TMEM231: variants seen among roughly 807,000 people sequenced by gnomAD.
TMEM231 encodes the protein transmembrane protein 231.
In TMEM231, 40 loss-of-function variants were observed where a neutral mutation model predicts 38.5. The ratio of observed to expected loss-of-function variants is 1.04; its 90% CI spans 0.81 to 1.35. TMEM231 has a LOEUF of 1.35. Ranked by LOEUF, TMEM231 falls within the 40% of genes most tolerant of loss-of-function variation. The pLI is 0.00. For synonymous variants in TMEM231, 199 were observed against 181.7 expected (o/e 1.10, Z -0.77); for missense variants, 420 against 416.9 (o/e 1.01, Z -0.07).
chr16:75,539,856 G>A lies in TMEM231; in HGVS notation c.*138C>T, dbSNP rs2242408. The A allele has an allele frequency of 0.07, 48,416 of 689,014 alleles. 2,085 individuals carry two copies. Among genetic ancestry groups the A allele is most frequent in the African/African-American group, 0.12 (6,761 of 55,318 alleles). 42.7% of individuals were successfully genotyped at this position (689,014 alleles called of 1,614,324 possible). On this transcript the variant is annotated 3_prime_UTR_variant, in exon 7 of 7. Coordinates refer to ENST00000258173, the MANE Select transcript of TMEM231 (RefSeq NM_001077418.3). ...ATACGGAACTGTGTAGAGCAAAACC[G>A]GAAAGAACCGTTGTCTCTGAGGGAA...
chr16:75,553,725 G>A (rs553516361), intron 2 of TMEM231, among the ~76,000 whole-genome samples: 11 of 150,884 alleles, frequency 7.3e-5, no homozygotes, highest in Non-Finnish European at 8.8e-5. Context: ...GTCTTGCTAT[G>A]TTGCCCACAC....
At chr16:75,550,385 T>C (rs952826014) in intron 2 of TMEM231, among the ~76,000 whole-genome samples, 2 of 152,188 alleles carry the variant, frequency 1.3e-5, no homozygotes, top group African/African-American at 4.8e-5. Flanking sequence ...ACTGGTTTCA[T>C]TTCTTTTTTT....
rs201412708 is a variant in TMEM231 at position 75,542,682 on chromosome 16, A to G, written c.584T>C (p.Ile195Thr). 334 of 1,613,834 alleles carry G rather than the reference A, an allele frequency of 2.1e-4. 1 individual carries two copies. The highest frequency in any genetic ancestry group is 2.3e-4 in the Non-Finnish European group (272 of 1,179,824). ...GGGGCTGGTCCCGTTGATCACGGAT[A>G]TCTGGGACACGGGAGGAGGATGTGG... ...SCGGLDARYN[I>T]SVINGTSPFA... is the part of the protein sequence containing the mutation. The change falls in exon 5 of 7, where the codon ATA becomes ACA. Residue 195 changes from isoleucine to threonine, a missense_variant and splice_region_variant. Transcript: ENST00000258173.
intron 2 of TMEM231, chr16:75,554,778 T>C (rs2080793936): frequency 1.3e-5 from 2 of 152,168 alleles, no homozygotes; most frequent in Non-Finnish European, 2.9e-5. Context: ...ATTTATAAAG[T>C]AATAGGAGAA....
intron 2 of TMEM231, among the ~76,000 whole-genome samples, chr16:75,554,362 C>T (rs1270078918): frequency 3.3e-5 from 5 of 151,794 alleles, no homozygotes; most frequent in African/African-American, 2.4e-5. Flanking sequence ...GTCAGGAGTT[C>T]GAGACCAGCC....
intron 2 of TMEM231, among the ~76,000 whole-genome samples, chr16:75,547,462 C>T (rs530672527): frequency 2.0e-5 from 3 of 152,242 alleles, no homozygotes; most frequent in South Asian, 2.1e-4. Context: ...TCATCAGCTT[C>T]GGGGAGGGAT....
At chr16:75,553,740 C>G (rs2080785393) in intron 2 of TMEM231, among the ~76,000 whole-genome samples, 1 of 151,854 alleles carries the variant, frequency 6.6e-6, no homozygotes, top group Admixed American at 6.6e-5. Flanking sequence ...CCACACTGGC[C>G]TTGAACTCCT....
chr16:75,547,706 G>T (rs2080710175), intron 2 of TMEM231, among the ~76,000 whole-genome samples: 2 of 152,114 alleles, frequency 1.3e-5, no homozygotes, highest in African/African-American at 4.8e-5. Flanking sequence ...TTGAACCAGG[G>T]AGTTGGAGGT....
At chr16:75,546,452 T>C (rs368541382) in intron 2 of TMEM231, among the ~76,000 whole-genome samples, 1 of 133,190 alleles carries the variant, frequency 7.5e-6, no homozygotes, top group Non-Finnish European at 1.5e-5. Context: ...TTTTTTTTTG[T>C]TTTTTTTTGA....
Position 75,545,862 on chromosome 16 carries a change from A to G in TMEM231, c.402T>C (p.Gly134=). The change falls in exon 3 of 7, where the codon GGT becomes GGC. Residue 134 remains glycine, a synonymous_variant. Transcript: ENST00000258173. ...AGGAGAAAGTCAGGATGAGCTGCAC[A>G]CCGAGAACGTGCTCCGTGGACTGCA... is the stretch of plus-strand genomic sequence containing the variant. ...LPLQSTEHVL[G]VQLILTFSYR... 2 of 1,424,542 alleles carry G rather than the reference A, an allele frequency of 1.4e-6. No homozygotes were observed. Among genetic ancestry groups the G allele is most frequent in the Non-Finnish European group, 1.9e-6 (2 of 1,062,850 alleles). The allele number at this position is 1,424,542 out of a possible 1,614,324, so 88.2% of individuals were successfully genotyped here. A position where few individuals can be genotyped will look rare whatever the true frequency, so the allele number is the denominator to read the frequency against.
Position 75,540,185 on chromosome 16 carries a change from T to C in TMEM231, c.771-11A>G. On this transcript the variant is annotated splice_polypyrimidine_tract_variant and intron_variant, in intron 6 of 6. Transcript: ENST00000258173. ...AATCCTGGCTGATAAGTATGGACAG[T>C]TAAGGAGTGAAGGGCCACATGGTGT... 3 of 1,606,360 alleles carry C rather than the reference T, an allele frequency of 1.9e-6. No homozygotes were observed. The highest frequency in any genetic ancestry group is 2.6e-6 in the Non-Finnish European group (3 of 1,176,200).
chr16:75,555,507 G>A (rs1597050342), intron 2 of TMEM231: 31 of 380,838 alleles, frequency 8.1e-5, no homozygotes, highest in East Asian at 7.8e-4. Flanking sequence ...CCAGGCCCGC[G>A]GGTGTGACCC....
chr16:75,554,647 G>T (rs2080792833), intron 2 of TMEM231, among the ~76,000 whole-genome samples: 1 of 151,910 alleles, frequency 6.6e-6, no homozygotes. Flanking sequence ...AAAGAATACA[G>T]CTGATTAATA....
chr16:75,541,664 A>C (rs2080629917), intron 5 of TMEM231: 3 of 364,376 alleles, frequency 8.2e-6, no homozygotes, highest in East Asian at 4.4e-5. Context: ...TACATAAAAA[A>C]CTTGGAAAGA....
At chr16:75,540,337 C>T (rs1041708099) in intron 6 of TMEM231, among the ~76,000 whole-genome samples, 163 bp from the exon 7 acceptor site, 1 of 152,172 alleles carries the variant, frequency 6.6e-6, no homozygotes, top group Non-Finnish European at 1.5e-5. Flanking sequence ...GTAAAACCAG[C>T]CACATTTGAT....
chr16:75,550,964 G>A (rs1014713133), intron 2 of TMEM231, among the ~76,000 whole-genome samples: 12 of 152,064 alleles, frequency 7.9e-5, no homozygotes, highest in African/African-American at 1.7e-4. Flanking sequence ...TGATCCATCC[G>A]CCTCGGCCTC....
chr16:75,544,470 CA>C (rs1212982857), intron 4 of TMEM231, among the ~76,000 whole-genome samples: 1 of 151,664 alleles, frequency 6.6e-6, no homozygotes, highest in East Asian at 1.9e-4. Context: ...GCAAAAAGGC[CA>C]GGGGGGCTGG....
intron 2 of TMEM231, among the ~76,000 whole-genome samples, chr16:75,549,794 C>T (rs1479598585): frequency 6.6e-6 from 1 of 152,158 alleles, no homozygotes; most frequent in Non-Finnish European, 1.5e-5. Flanking sequence ...CCGCAACCTC[C>T]ACCTCCCAGG....
chr16:75,549,820 T>C (rs2080736503), intron 2 of TMEM231, among the ~76,000 whole-genome samples: 1 of 152,292 alleles, frequency 6.6e-6, no homozygotes, highest in Middle Eastern at 3.4e-3. Context: ...GTGATTCTCC[T>C]GCCTCAGCTT....
Sources: gnomAD v4.1 joint callset for allele counts (sites outside exome capture counted in the v4.1 genomes callset) on GRCh38, gnomAD v4.1.1 for gene constraint, MANE v1.5 for transcripts, NCBI Gene and HGNC (gene_info 2026-07-23, HGNC 2026-07-21) for gene names.